KIAA0319: variants seen among roughly 807,000 people sequenced by gnomAD.
KIAA0319 encodes dyslexia-associated protein KIAA0319.
In KIAA0319, 83 loss-of-function variants were observed where a neutral mutation model predicts 108.4. The ratio of observed to expected loss-of-function variants is 0.77; its 90% CI spans 0.64 to 0.92. The LOEUF (loss-of-function observed/expected upper bound fraction) is 0.92, where lower values mean the gene tolerates loss of function less well. KIAA0319 is among the 40% of genes least tolerant of loss of function. The probability of loss-of-function intolerance (pLI) is 0.00; values close to 1 mark genes in which losing one functional copy is unlikely to be tolerated. For synonymous variants in KIAA0319, 484 were observed against 510.4 expected, an observed-to-expected ratio of 0.95 and a Z score of 0.70; for missense variants, 1,195 against 1,322.4, an observed-to-expected ratio of 0.90 and a Z score of 1.49.
intron 1 of KIAA0319, among the ~76,000 whole-genome samples, chr6:24,644,541 G>A (rs1331503771): frequency 2.6e-5 from 4 of 151,394 alleles, no homozygotes; most frequent in Non-Finnish European, 5.9e-5. Context: ...TTCCAAGAAC[G>A]TATCAAGAAT....
At chr6:24,629,053 T>C (rs943927239) in intron 1 of KIAA0319, among the ~76,000 whole-genome samples, 3 of 152,216 alleles carry the variant, frequency 2.0e-5, no homozygotes, top group Non-Finnish European at 4.4e-5. Flanking sequence ...TCCTGAAATT[T>C]GCCTGTCCTG....
intron 12 of KIAA0319, among the ~76,000 whole-genome samples, 184 bp downstream of exon 12, chr6:24,569,719 C>A (rs1462066897): frequency 6.6e-6 from 1 of 152,172 alleles, no homozygotes; most frequent in East Asian, 1.9e-4. Flanking sequence ...CCTCCGCTGT[C>A]AATGATGTCC....
intron 1 of KIAA0319, among the ~76,000 whole-genome samples, chr6:24,642,521 A>G (rs1156369696): frequency 6.6e-6 from 1 of 152,118 alleles, no homozygotes; most frequent in Non-Finnish European, 1.5e-5. Flanking sequence ...ATGAATAAAC[A>G]TCCTATCAAC....
In KIAA0319 at chr6:24,603,003, T is replaced by C. The variant is rs1307884280; in HGVS notation, c.-105-1795A>G. Among the ~76,000 whole-genome samples the C allele has an allele frequency of 2.6e-5, 4 of 152,154 alleles. No individual in the cohort carries two copies. The East Asian group carries it at 5.8e-4, about 22-fold the overall frequency. On this transcript the variant is annotated intron_variant, in intron 1 of 20. Coordinates refer to ENST00000378214, the MANE Select transcript of KIAA0319 (RefSeq NM_014809.4). ...GCACAAGAATGATTTATGATAAAAATTTGTCTAAATAAGCACCCCCCTCAA... is the reference window on the plus strand; with the variant it reads ...GCACAAGAATGATTTATGATAAAAACTTGTCTAAATAAGCACCCCCCTCAA...
At chr6:24,624,719 C>T (rs1411586835) in intron 1 of KIAA0319, among the ~76,000 whole-genome samples, 1 of 152,142 alleles carries the variant, frequency 6.6e-6, no homozygotes. Context: ...TCTCAACATC[C>T]CTGTACCTAA....
chr6:24,587,988 A>C (rs1197859003), intron 4 of KIAA0319, among the ~76,000 whole-genome samples: 1 of 152,254 alleles, frequency 6.6e-6, no homozygotes, highest in East Asian at 1.9e-4. Context: ...TCTTTAGCAC[A>C]AAATACATGA....
chr6:24,620,101 T>A (rs900833826), intron 1 of KIAA0319, among the ~76,000 whole-genome samples: 3 of 152,066 alleles, frequency 2.0e-5, no homozygotes, highest in African/African-American at 7.2e-5. Flanking sequence ...TGGTCGGGAG[T>A]AGTGGAGTCA....
chr6:24,583,689 C>T lies in KIAA0319; in HGVS notation c.1008G>A (p.Thr336=), dbSNP rs1435498432. ...TAATTAGGTTATCTCCAGCCGATAC[C>T]GTAAGTTCTTTCACTAAAAGTTAAT... The part of the protein sequence containing the change: ...TTAPRTVKEL[T]VSAGDNLIIT... Residue 336 remains threonine, a synonymous_variant, in exon 5 of 21, where the codon ACG becomes ACA. Transcript: ENST00000378214. 1 of 1,609,846 alleles carries T rather than the reference C, an allele frequency of 6.2e-7. No homozygotes were observed. The highest frequency in any genetic ancestry group is 8.5e-7 in the Non-Finnish European group (1 of 1,176,696).
Position 24,581,884 on chromosome 6 carries a change from CT to C in KIAA0319, c.1191+364del, listed in dbSNP as rs544243927. Among the ~76,000 whole-genome samples, 73 of 152,330 alleles carry C rather than the reference CT, an allele frequency of 4.8e-4. 1 individual carries two copies. Among genetic ancestry groups the C allele is most frequent in the Non-Finnish European group, 9.7e-4 (66 of 68,038 alleles). ...TGCAGCTGGGCGTGGTGGCTCATGC[CT>C]GTAATCCCAACACTTTGGGAGGCCA... is the stretch of plus-strand genomic sequence containing the variant. On this transcript the variant is annotated intron_variant, in intron 6 of 20. Transcript: ENST00000378214.
chr6:24,582,017 G>T (rs1200042344), intron 6 of KIAA0319, among the ~76,000 whole-genome samples: 1 of 152,148 alleles, frequency 6.6e-6, no homozygotes, highest in African/African-American at 2.4e-5. Flanking sequence ...GTGGTGACGT[G>T]CACCTGTAAT....
chr6:24,582,273 G>A lies in KIAA0319; in HGVS notation c.1167C>T (p.His389=). The A allele has an allele frequency of 6.2e-7, 1 of 1,604,618 alleles. No individual in the cohort carries two copies. Among genetic ancestry groups the A allele is most frequent in the Middle Eastern group, 1.7e-4 (1 of 6,038 alleles). Residue 389 remains histidine (H), a synonymous_variant, in exon 6 of 21, where the codon CAC becomes CAT. Coordinates refer to ENST00000378214, the MANE Select transcript of KIAA0319 (RefSeq NM_014809.4). ...TDYQGEIKQG[H]KQTLNLSQLS... ...CTTGAGAGAGGTTAAGAGTTTGCTT[G>A]TGTCCTTGTTTTATTTCACCTTGGT... is the stretch of plus-strand genomic sequence containing the variant.
chr6:24,558,865 G>T, intron 17 of KIAA0319, 148 bp downstream of exon 17: 3 of 768,938 alleles, frequency 3.9e-6, no homozygotes, highest in Non-Finnish European at 4.0e-6. Context: ...AATGCATGCT[G>T]CAGGAAACTC....
At chr6:24,581,744 T>C (rs1734648919) in intron 6 of KIAA0319, among the ~76,000 whole-genome samples, 1 of 152,188 alleles carries the variant, frequency 6.6e-6, no homozygotes, top group Admixed American at 6.5e-5. Context: ...ATATACTAAG[T>C]AACCCAAATA....
At chr6:24,600,633 C>A in intron 2 of KIAA0319, 1 of 1,531,198 alleles carries the variant, frequency 6.5e-7, no homozygotes, top group South Asian at 1.2e-5. Flanking sequence ...GCTCGGCCAG[C>A]CCAGTCTAGT....
chr6:24,624,619 C>A (rs766284598), intron 1 of KIAA0319, among the ~76,000 whole-genome samples: 2 of 152,030 alleles, frequency 1.3e-5, no homozygotes, highest in African/African-American at 2.4e-5. Context: ...TGTGCTGGGA[C>A]CTTGACACTC....
chr6:24,549,504 GGCAT>G (rs893722115), intron 20 of KIAA0319, among the ~76,000 whole-genome samples: 1 of 152,004 alleles, frequency 6.6e-6, no homozygotes, highest in Admixed American at 6.6e-5. Context: ...CCTCTTCTGT[GGCAT>G]TTTGTTAGAG....
At chr6:24,559,725 TTACA>T (rs1361387969) in intron 16 of KIAA0319, among the ~76,000 whole-genome samples, 1 of 152,188 alleles carries the variant, frequency 6.6e-6, no homozygotes, top group African/African-American at 2.4e-5. Flanking sequence ...GAGATATAAC[TTACA>T]TATCATAAAA....
chr6:24,629,514 C>CAAGAAAAAAAAAA (rs1775215355), intron 1 of KIAA0319, among the ~76,000 whole-genome samples: 1 of 42,412 alleles, frequency 2.4e-5, no homozygotes, highest in Non-Finnish European at 4.0e-5. Context: ...GACTCTGTCT[C>CAAGAAAAAAAAAA]AAAAAAAAAA....
chr6:24,552,756 C>T (rs1204457425), intron 19 of KIAA0319, among the ~76,000 whole-genome samples: 1 of 152,150 alleles, frequency 6.6e-6, no homozygotes, highest in African/African-American at 2.4e-5. Flanking sequence ...CAGGCATGCA[C>T]CACCACGCCC....
Sources: gnomAD v4.1 joint callset for allele counts (sites outside exome capture counted in the v4.1 genomes callset) on GRCh38, gnomAD v4.1.1 for gene constraint, MANE v1.5 for transcripts, NCBI Gene and HGNC (gene_info 2026-07-23, HGNC 2026-07-21) for gene names.